Variants in EPHA3 observed in about 807,000 individuals in gnomAD.
The protein encoded by EPHA3 is EPH receptor A3, also known as ephrin type-A receptor 3.
EPHA3 carries 42 observed loss-of-function variants against 107.1 expected under a neutral mutation model. The observed-to-expected ratio is 0.39, with a 90% CI of 0.31 to 0.51. The LOEUF (loss-of-function observed/expected upper bound fraction) is 0.51. EPHA3 is among the 20% of genes least tolerant of loss of function. The pLI, the probability that EPHA3 is intolerant of heterozygous loss-of-function variation, is 0.78. For synonymous variants in EPHA3, 461 were observed against 424.8 expected (o/e 1.09, Z -1.05); for missense variants, 1,183 against 1,211.2 (o/e 0.98, Z 0.35).
intron 3 of EPHA3, among the ~76,000 whole-genome samples, chr3:89,270,649 C>T (rs1273946139): frequency 1.3e-5 from 2 of 151,960 alleles, no homozygotes; most frequent in Non-Finnish European, 2.9e-5. Flanking sequence ...CTTGTCTGTG[C>T]CCCAGAGTTG....
At chr3:89,306,606 A>G (rs1414756108) in intron 3 of EPHA3, among the ~76,000 whole-genome samples, 3 of 152,202 alleles carry the variant, frequency 2.0e-5, no homozygotes, top group Non-Finnish European at 4.4e-5. Flanking sequence ...GTACAATGGC[A>G]GTAAAATTAA....
rs189311757 is a variant in EPHA3 at position 89,188,033 on chromosome 3, A to G, written c.154-21827A>G. Among the ~76,000 whole-genome samples, 5 of 152,342 alleles carry G rather than the reference A, an allele frequency of 3.3e-5. No individual in the cohort carries two copies. The East Asian group carries it at 9.6e-4, about 29-fold the overall frequency. ...AATTCAGGATTTTAATGGGCAATAT[A>G]TAACAAGTTACTTTATTCCAATAAT... On this transcript the variant is annotated intron_variant, in intron 2 of 16. Transcript: ENST00000336596.
chr3:89,385,190 A>G (rs1371622237), intron 5 of EPHA3, among the ~76,000 whole-genome samples: 2 of 152,242 alleles, frequency 1.3e-5, no homozygotes, highest in African/African-American at 2.4e-5. Flanking sequence ...TCCTACCAAC[A>G]TAATTTCTTA....
intron 3 of EPHA3, among the ~76,000 whole-genome samples, chr3:89,284,740 C>G (rs539364578): frequency 6.6e-6 from 1 of 152,270 alleles, no homozygotes; most frequent in African/African-American, 2.4e-5. Context: ...ATTGTCCTCT[C>G]CTTCCTTCTC....
At chr3:89,316,725 G>A (rs1430291272) in intron 3 of EPHA3, among the ~76,000 whole-genome samples, 3 of 150,902 alleles carry the variant, frequency 2.0e-5, no homozygotes, top group Admixed American at 6.6e-5. Context: ...CTAACATACT[G>A]GAGAGTTACC....
chr3:89,271,410 TG>T lies in EPHA3; in HGVS notation c.814+60891del, dbSNP rs561312867. Among the ~76,000 whole-genome samples, 46 of 152,146 alleles carry T rather than the reference TG, an allele frequency of 3.0e-4. 2 individuals carry two copies. In the South Asian group the frequency reaches 3.7e-3, roughly 12 times the overall value. On this transcript the variant is annotated intron_variant, in intron 3 of 16. Coordinates refer to ENST00000336596, the MANE Select transcript of EPHA3 (RefSeq NM_005233.6). ...GTTCATGATAAATGTATTTTTCTAA[TG>T]TTTTTTTAATGGCTGAAATTCCTAA...
chr3:89,396,042 G>A, intron 6 of EPHA3, 81 bp downstream of exon 6: 1 of 1,553,240 alleles, frequency 6.4e-7, no homozygotes, highest in Non-Finnish European at 8.7e-7. Flanking sequence ...AAAGAAACCA[G>A]TGACATTCCT....
At chr3:89,323,808 A>G (rs1367787548) in intron 3 of EPHA3, among the ~76,000 whole-genome samples, 1 of 152,158 alleles carries the variant, frequency 6.6e-6, no homozygotes, top group Non-Finnish European at 1.5e-5. Context: ...TTATTTTTAC[A>G]TAGAAATTAT....
intron 5 of EPHA3, among the ~76,000 whole-genome samples, chr3:89,386,816 C>A (rs1364297051): frequency 6.6e-6 from 1 of 152,232 alleles, no homozygotes; most frequent in Non-Finnish European, 1.5e-5. Flanking sequence ...CTTGCATCAG[C>A]ATGACTTGGA....
chr3:89,374,559 A>T lies in EPHA3; in HGVS notation c.1307-21278A>T, dbSNP rs560440404. ...GCATTAATAACCAAAAGTGAAGAGC[A>T]GGCTATGAGATATTACAGCAATTTC... On this transcript the variant is annotated intron_variant, in intron 5 of 16. Coordinates refer to ENST00000336596, the MANE Select transcript of EPHA3 (RefSeq NM_005233.6). Among the ~76,000 whole-genome samples, 26 of 151,996 alleles carry T rather than the reference A, an allele frequency of 1.7e-4. No homozygotes were observed. The South Asian group carries it at 2.3e-3, about 13-fold the overall frequency.
At chr3:89,181,625 CAGTA>C in intron 2 of EPHA3, among the ~76,000 whole-genome samples, 1 of 152,046 alleles carries the variant, frequency 6.6e-6, no homozygotes, top group East Asian at 1.9e-4. Flanking sequence ...CATATGCAAT[CAGTA>C]AGTATGTCAT....
chr3:89,477,599 A>G (rs778547403), intron 16 of EPHA3, among the ~76,000 whole-genome samples: 83 of 151,726 alleles, frequency 5.5e-4, no homozygotes, highest in Non-Finnish European at 1.1e-3. Context: ...GTATAAAGGA[A>G]TCCCCTCTGT....
intron 2 of EPHA3, among the ~76,000 whole-genome samples, chr3:89,134,478 T>A (rs1024698881): frequency 1.3e-5 from 2 of 152,172 alleles, no homozygotes; most frequent in East Asian, 1.9e-4. Flanking sequence ...TTTGGTTTTT[T>A]GTCCTTGCGA....
At chr3:89,214,989 C>T (rs1042163819) in intron 3 of EPHA3, among the ~76,000 whole-genome samples, 13 of 151,752 alleles carry the variant, frequency 8.6e-5, no homozygotes, top group African/African-American at 2.2e-4. Context: ...CTATAAAAGA[C>T]GAGTTTAGTT....
rs1305394776 is a variant in EPHA3 at position 89,236,695 on chromosome 3, G to A, written c.814+26175G>A. ...ATGTATACATATGTAACTAACCTGCGCATTGTGCACATGTACCCTAAAACT... is the reference window on the plus strand; with the variant it reads ...ATGTATACATATGTAACTAACCTGCACATTGTGCACATGTACCCTAAAACT... On this transcript the variant is annotated intron_variant, in intron 3 of 16. Transcript: ENST00000336596. Among the ~76,000 whole-genome samples, 20 of 151,464 alleles carry A rather than the reference G, an allele frequency of 1.3e-4. 1 individual carries two copies. Among genetic ancestry groups the A allele is most frequent in the African/African-American group, 3.6e-4 (15 of 41,156 alleles).
Position 89,107,640 on chromosome 3 carries a change from G to A in EPHA3, c.-109G>A. 1 of 1,024,624 alleles carries A rather than the reference G, an allele frequency of 9.8e-7. No homozygotes were observed. Among genetic ancestry groups the A allele is most frequent in the Non-Finnish European group, 1.5e-6 (1 of 672,378 alleles). The allele number at this position is 1,024,624 out of a possible 1,614,324, so 63.5% of individuals were successfully genotyped here. On this transcript the variant is annotated 5_prime_UTR_variant, in exon 1 of 17. Transcript: ENST00000336596. ...ATCTCCAGTGTCAAACTTGACATCA[G>A]CCTGCGAGCGGAGCATGGTAACTTC...
intron 3 of EPHA3, among the ~76,000 whole-genome samples, chr3:89,218,277 C>T (rs1256651793): frequency 1.4e-5 from 2 of 146,712 alleles, no homozygotes; most frequent in Non-Finnish European, 3.0e-5. Context: ...TCTCCTAATG[C>T]TATCCCTCCC....
chr3:89,396,819 A>G (rs1171623395), intron 6 of EPHA3, among the ~76,000 whole-genome samples: 7 of 152,226 alleles, frequency 4.6e-5, no homozygotes, highest in African/African-American at 7.2e-5. Context: ...ATATTTACAG[A>G]ACATTTCTGT....
chr3:89,401,707 A>G (rs1212874985), intron 7 of EPHA3, among the ~76,000 whole-genome samples: 4 of 152,118 alleles, frequency 2.6e-5, no homozygotes, highest in Admixed American at 1.3e-4. Flanking sequence ...TCCCTGACTC[A>G]AGCAATTCTT....
Sources: allele counts gnomAD v4.1 joint callset (sites outside exome capture counted in the v4.1 genomes callset), GRCh38; gene constraint gnomAD v4.1.1; transcripts MANE v1.5; gene names NCBI Gene and HGNC (gene_info 2026-07-23, HGNC 2026-07-21).